HORMAD2: variants seen among roughly 807,000 people sequenced by gnomAD.
HORMAD2 encodes the protein HORMA domain-containing protein 2.
HORMAD2 carries 45 observed loss-of-function variants against 38.8 expected under a neutral mutation model. The ratio of observed to expected loss-of-function variants is 1.16; its 90% CI spans 0.91 to 1.49. HORMAD2 has a LOEUF of 1.49. Among genes scored for constraint, HORMAD2 ranks in the 40% most tolerant of loss-of-function variants. HORMAD2 has a pLI of 0.00. For missense variants in HORMAD2, 338 were observed against 367.0 expected (o/e 0.92, Z 0.65); for synonymous variants, 126 against 122.8 (o/e 1.03, Z -0.17).
chr22:30,106,410 A>G (rs117745169), intron 5 of HORMAD2, among the ~76,000 whole-genome samples: 3,044 of 152,254 alleles, frequency 0.02, 53 homozygotes, highest in Non-Finnish European at 0.03. Context: ...GATGCATGCC[A>G]AAAGACAGAT....
intron 2 of HORMAD2, among the ~76,000 whole-genome samples, chr22:30,096,135 T>C (rs1041346958): frequency 1.3e-5 from 2 of 152,228 alleles, no homozygotes; most frequent in African/African-American, 4.8e-5. Flanking sequence ...TTCTCATTGC[T>C]ATATAGTATT....
chr22:30,092,345 C>CTTTTTTTTTTT (rs34673975), intron 1 of HORMAD2, among the ~76,000 whole-genome samples: 1 of 107,962 alleles, frequency 9.3e-6, no homozygotes, highest in African/African-American at 3.6e-5. Context: ...AGATCCTTTG[C>CTTTTTTTTTTT]TTTTTTTTTT....
chr22:30,081,309 A>G (rs566616482), intron 1 of HORMAD2: 13 of 152,312 alleles, frequency 8.5e-5, no homozygotes, highest in Admixed American at 1.3e-4. Context: ...TGCCTGGCAC[A>G]TTGTAGTTGC....
intron 1 of HORMAD2, among the ~76,000 whole-genome samples, chr22:30,084,408 G>A (rs1285148097): frequency 2.0e-5 from 3 of 152,072 alleles, no homozygotes; most frequent in African/African-American, 4.8e-5. Context: ...ATTCATGAAG[G>A]CACCTAATCA....
chr22:30,106,049 T>TCA (rs1285932877), intron 5 of HORMAD2, among the ~76,000 whole-genome samples: 1 of 152,166 alleles, frequency 6.6e-6, no homozygotes, highest in Non-Finnish European at 1.5e-5. Flanking sequence ...CTTACTCTGT[T>TCA]GCCCAGGCTG....
At chr22:30,162,461 C>T (rs1434796527) in intron 10 of HORMAD2, among the ~76,000 whole-genome samples, 3 of 151,836 alleles carry the variant, frequency 2.0e-5, no homozygotes, top group African/African-American at 4.8e-5. Flanking sequence ...ATTGTGAGGA[C>T]GTACTACAAA....
In HORMAD2 at chr22:30,124,256, AACACACACAC is replaced by A. The variant is rs10616156; in HGVS notation, c.819+2070_819+2079del. Among the ~76,000 whole-genome samples the A allele has an allele frequency of 9.4e-4, 138 of 146,580 alleles. 2 individuals are homozygous for A. The highest frequency in any genetic ancestry group is 1.5e-3 in the South Asian group (7 of 4,552). ...TTGTTTTCCTTCATGGAATACATGG[AACACACACAC>A]ACACACACACACACACACACACACA... On this transcript the variant is annotated intron_variant, in intron 10 of 10. Transcript: ENST00000336726.
At chr22:30,151,934 A>G (rs1924776399) in intron 10 of HORMAD2, among the ~76,000 whole-genome samples, 3 of 152,192 alleles carry the variant, frequency 2.0e-5, no homozygotes. Context: ...AATTTGAATG[A>G]AGCTGGTCTA....
intron 10 of HORMAD2, among the ~76,000 whole-genome samples, chr22:30,145,126 G>A (rs1924333929): frequency 6.6e-6 from 1 of 152,182 alleles, no homozygotes; most frequent in Non-Finnish European, 1.5e-5. Flanking sequence ...AGGTATAACA[G>A]AGACTTCAAT....
chr22:30,156,992 A>G (rs567186822), intron 10 of HORMAD2, among the ~76,000 whole-genome samples: 1 of 152,326 alleles, frequency 6.6e-6, no homozygotes, highest in East Asian at 1.9e-4. Context: ...AAATTAAGAT[A>G]TGTTATTATT....
At chr22:30,132,582 C>A (rs757387992) in intron 10 of HORMAD2, among the ~76,000 whole-genome samples, 1 of 151,562 alleles carries the variant, frequency 6.6e-6, no homozygotes, top group Non-Finnish European at 1.5e-5. Context: ...ACACACACAT[C>A]ATTCTTTCTT....
chr22:30,104,522 T>G, intron 5 of HORMAD2, 85 bp downstream of exon 5: 1 of 1,189,178 alleles, frequency 8.4e-7, no homozygotes, highest in Non-Finnish European at 1.2e-6. Flanking sequence ...ATTTTGTTTT[T>G]GTGTTTAACA....
At chr22:30,094,764 C>T (rs557855079) in intron 2 of HORMAD2, among the ~76,000 whole-genome samples, 1 of 152,126 alleles carries the variant, frequency 6.6e-6, no homozygotes, top group South Asian at 2.1e-4. Flanking sequence ...AGATAATTTG[C>T]GTAGAGGGGA....
chr22:30,199,811 G>C, the HORMAD2 span, among the ~76,000 whole-genome samples: 1 of 150,866 alleles, frequency 6.6e-6, no homozygotes, highest in Non-Finnish European at 1.5e-5. Context: ...CATCAGTGAT[G>C]ATGACGAGTC....
intron 10 of HORMAD2, among the ~76,000 whole-genome samples, chr22:30,127,278 A>T (rs1446826730): frequency 7.6e-6 from 1 of 131,796 alleles, no homozygotes; most frequent in Admixed American, 9.6e-5. Flanking sequence ...GCCCGATCTC[A>T]GCTCACTGCA....
chr22:30,200,591 A>C, the HORMAD2 span, among the ~76,000 whole-genome samples: 1 of 150,420 alleles, frequency 6.6e-6, no homozygotes. Context: ...TGGTTTCTTT[A>C]ATTTTTTAAG....
Position 30,161,235 on chromosome 22 carries a change from A to G in HORMAD2, c.820-14828A>G, listed in dbSNP as rs565787721. On this transcript the variant is annotated intron_variant, in intron 10 of 10. Coordinates refer to ENST00000336726, the MANE Select transcript of HORMAD2 (RefSeq NM_152510.4). ...TTCATACCAAAGTGGTCTTTTTCTGATATTTTATAGGACCTATCTCTATAG... is the reference window on the plus strand; with the variant it reads ...TTCATACCAAAGTGGTCTTTTTCTGGTATTTTATAGGACCTATCTCTATAG... Among the ~76,000 whole-genome samples the G allele has an allele frequency of 3.3e-5, 5 of 152,234 alleles. No homozygotes were observed. In the East Asian group the frequency reaches 5.8e-4, roughly 18 times the overall value.
At chr22:30,138,243 A>ATTT (rs34611740) in intron 10 of HORMAD2, among the ~76,000 whole-genome samples, 10 of 142,622 alleles carry the variant, frequency 7.0e-5, no homozygotes, top group Non-Finnish European at 7.7e-5. Flanking sequence ...TCTTTTGCCC[A>ATTT]TTTTTTTTTT....
At chr22:30,205,833 G>A in the HORMAD2 span, among the ~76,000 whole-genome samples, 8 of 151,994 alleles carry the variant, frequency 5.3e-5, no homozygotes, top group East Asian at 1.9e-4. Context: ...GAATGTGCAC[G>A]GGAGGCTCAG....
Sources: gnomAD v4.1 joint callset for allele counts (sites outside exome capture counted in the v4.1 genomes callset) on GRCh38, gnomAD v4.1.1 for gene constraint, MANE v1.5 for transcripts, NCBI Gene and HGNC (gene_info 2026-07-23, HGNC 2026-07-21) for gene names.